The following PRKCB variants were observed in gnomAD, a reference collection of about 807,000 sequenced individuals.
PRKCB encodes the protein protein kinase C beta type.
In PRKCB, 13 loss-of-function variants were observed where a neutral mutation model predicts 81.5. The ratio of observed to expected loss-of-function variants is 0.16; its 90% confidence interval spans 0.10 to 0.25. The LOEUF (loss-of-function observed/expected upper bound fraction) is 0.25. Ranked by LOEUF, PRKCB falls within the 10% of genes least tolerant of loss-of-function variation. The pLI is 1.00. For missense variants in PRKCB, 509 were observed against 875.7 expected, an observed-to-expected ratio of 0.58 and a Z score of 5.29; for synonymous variants, 335 against 321.4, an observed-to-expected ratio of 1.04 and a Z score of -0.45.
At chr16:24,171,309 C>T (rs955611077) in intron 10 of PRKCB, among the ~76,000 whole-genome samples, 2 of 152,178 alleles carry the variant, frequency 1.3e-5, no homozygotes, top group Non-Finnish European at 2.9e-5. Flanking sequence ...GGCCTCAGTT[C>T]TTTGCCAAAT....
rs1035695630 is a variant in PRKCB at position 23,973,646 on chromosome 16, G to C, written c.206-14862G>C. Among the ~76,000 whole-genome samples the C allele has an allele frequency of 2.2e-4, 34 of 152,088 alleles. 1 individual carries two copies. Among genetic ancestry groups the C allele is most frequent in the Admixed American group, 2.0e-4 (3 of 15,264 alleles). Reference sequence around the variant, plus strand: ...TGTTAAACCTAGATTGGCACGTCAGGACAGAAGTGATATTTAATCCCCAAG... The same window carrying C: ...TGTTAAACCTAGATTGGCACGTCAGCACAGAAGTGATATTTAATCCCCAAG... On this transcript the variant is annotated intron_variant, in intron 2 of 16. Transcript: ENST00000643927.
In PRKCB at chr16:24,172,335, C is replaced by T. The variant is rs369762663; in HGVS notation, c.1305C>T (p.Val435=). The T allele has an allele frequency of 3.1e-5, 50 of 1,613,824 alleles. No individual in the cohort carries two copies. Among genetic ancestry groups the T allele is most frequent in the African/African-American group, 6.7e-5 (5 of 74,906 alleles). ...GGDLMYHIQQ[V]GRFKEPHAVF... is the part of the protein sequence containing the mutation. ...ACCTCATGTATCACATCCAGCAAGTCGGCCGGTTCAAGGAGCCCCATGCTG... is the reference window on the plus strand; with the variant it reads ...ACCTCATGTATCACATCCAGCAAGTTGGCCGGTTCAAGGAGCCCCATGCTG... Residue 435 remains valine, a synonymous_variant, in exon 11 of 17, where the codon GTC becomes GTT. Coordinates refer to ENST00000643927, the MANE Select transcript of PRKCB (RefSeq NM_002738.7).
chr16:24,164,758 C>T (rs1364941667), intron 10 of PRKCB, among the ~76,000 whole-genome samples: 1 of 152,162 alleles, frequency 6.6e-6, no homozygotes, highest in Non-Finnish European at 1.5e-5. Flanking sequence ...GAGAGCCAAT[C>T]TGGACTTCAA....
chr16:24,049,386 AC>A (rs1353531975), intron 5 of PRKCB, among the ~76,000 whole-genome samples: 39 of 138,160 alleles, frequency 2.8e-4, no homozygotes, highest in Admixed American at 4.4e-4. Flanking sequence ...CGGGACCTGC[AC>A]CCTTAACCAC....
At chr16:23,967,512 G>C (rs1246177261) in intron 2 of PRKCB, among the ~76,000 whole-genome samples, 1 of 152,212 alleles carries the variant, frequency 6.6e-6, no homozygotes, top group Non-Finnish European at 1.5e-5. Context: ...TTGAGAATGG[G>C]ATTGAGAAAA....
At chr16:24,131,109 G>A (rs1302112453) in intron 9 of PRKCB, among the ~76,000 whole-genome samples, 2 of 152,156 alleles carry the variant, frequency 1.3e-5, no homozygotes, top group African/African-American at 2.4e-5. Flanking sequence ...CACGAGCCAG[G>A]AATAAGTCAA....
chr16:24,135,443 G>T (rs962127290), intron 9 of PRKCB, among the ~76,000 whole-genome samples: 4 of 151,650 alleles, frequency 2.6e-5, no homozygotes, highest in Middle Eastern at 3.2e-3. Flanking sequence ...CTCCCGAGTG[G>T]CTGGGATTAC....
At chr16:23,946,739 G>A (rs1480376560) in intron 2 of PRKCB, among the ~76,000 whole-genome samples, 5 of 152,294 alleles carry the variant, frequency 3.3e-5, no homozygotes, top group Middle Eastern at 6.8e-3. Context: ...TGCAGGTTGT[G>A]ATCCAGTAGG....
At chr16:23,925,543 C>T (rs889226599) in intron 2 of PRKCB, among the ~76,000 whole-genome samples, 7 of 152,104 alleles carry the variant, frequency 4.6e-5, no homozygotes, top group African/African-American at 1.7e-4. Context: ...ATTGTCTTGT[C>T]AGCCTTGAAG....
At position 23,918,382 on chromosome 16, in the gene PRKCB, T is replaced by TTA. The variant is rs1419128166; in HGVS notation, c.206-70126_206-70125insTA. ...AGACTTGTTCTTTGTGTTACCTTTT[T>TTA]ATTATTATTATTATTATTATTTTTT... On this transcript the variant is annotated intron_variant, in intron 2 of 16. Coordinates refer to ENST00000643927, the MANE Select transcript of PRKCB (RefSeq NM_002738.7). Among the ~76,000 whole-genome samples, 554 of 102,132 alleles carry TTA rather than the reference T, an allele frequency of 5.4e-3. 1 individual carries two copies. Among genetic ancestry groups the TTA allele is most frequent in the Non-Finnish European group, 0.01 (449 of 44,772 alleles). The allele number at this position is 102,132 out of a possible 152,430, so 67.0% of individuals were successfully genotyped here. A position where few individuals can be genotyped will look rare whatever the true frequency, so the allele number is the denominator to read the frequency against.
rs546895575 is a variant in PRKCB at position 23,984,639 on chromosome 16, T to C, written c.206-3869T>C. On this transcript the variant is annotated intron_variant, in intron 2 of 16. Coordinates refer to ENST00000643927, the MANE Select transcript of PRKCB (RefSeq NM_002738.7). ...AAAATAACGAGAGACTACCTAACAA[T>C]GCAATATGAAGAAAGAAACAAAGAA... 2.4e-4 allele frequency among the ~76,000 whole-genome samples: 36 copies of C among 151,798 alleles called. 1 individual carries two copies. The highest frequency in any genetic ancestry group is 4.0e-4 in the Non-Finnish European group (27 of 67,972).
intron 9 of PRKCB, among the ~76,000 whole-genome samples, chr16:24,149,042 T>C (rs1213662246): frequency 1.3e-5 from 2 of 152,228 alleles, no homozygotes; most frequent in Non-Finnish European, 2.9e-5. Context: ...CTTGAGGTTT[T>C]TCCTGCACTG....
At chr16:23,950,451 AT>A (rs758664124) in intron 2 of PRKCB, among the ~76,000 whole-genome samples, 23 of 152,312 alleles carry the variant, frequency 1.5e-4, no homozygotes, top group Non-Finnish European at 2.5e-4. Context: ...GCTAAGCAGT[AT>A]GGGTAAGAGC....
intron 2 of PRKCB, among the ~76,000 whole-genome samples, chr16:23,875,503 A>ATATATATATAT (rs1567298294): frequency 3.1e-4 from 9 of 28,930 alleles, no homozygotes; most frequent in African/African-American, 2.2e-3. Flanking sequence ...ATATATATAT[A>ATATATATATAT]TATGATGTAT....
intron 2 of PRKCB, among the ~76,000 whole-genome samples, chr16:23,965,598 G>A (rs751366706): frequency 1.3e-5 from 2 of 152,186 alleles, no homozygotes; most frequent in South Asian, 4.1e-4. Flanking sequence ...TAGATCGGCC[G>A]CATTGTAGAG....
rs1321164467 is a variant in PRKCB at position 24,113,063 on chromosome 16, A to T, written c.912A>T (p.Lys304Asn). ...AGGCCAATGAAGAACTGCGGCAGAA[A>T]TTTGAGGTGAGGTTTCTTTTCTTTT... Reference protein sequence around the residue: ...GSEANEELRQKFERAKISQGT... With the variant: ...GSEANEELRQNFERAKISQGT... Residue 304 changes from lysine (K) to asparagine (N), a missense_variant, in exon 8 of 17, where the codon AAA becomes AAT. Physicochemically the swap from Lys to Asn is moderately conservative, Grantham distance 94. Coordinates refer to ENST00000643927, the MANE Select transcript of PRKCB (RefSeq NM_002738.7). The T allele has an allele frequency of 6.2e-7, 1 of 1,609,918 alleles. No homozygotes were observed. The highest frequency in any genetic ancestry group is 1.7e-5 in the Admixed American group (1 of 59,554).
chr16:24,086,011 G>T (rs895992912), intron 5 of PRKCB, among the ~76,000 whole-genome samples: 1 of 152,182 alleles, frequency 6.6e-6, no homozygotes, highest in African/African-American at 2.4e-5. Flanking sequence ...GATGCTGGAT[G>T]TGGGCTGCCC....
chr16:24,000,238 C>T (rs1365455615), intron 3 of PRKCB, among the ~76,000 whole-genome samples: 1 of 152,320 alleles, frequency 6.6e-6, no homozygotes, highest in African/African-American at 2.4e-5. Flanking sequence ...GAGACCATCA[C>T]ACTGGACTTT....
intron 5 of PRKCB, among the ~76,000 whole-genome samples, chr16:24,048,712 C>T (rs1485946338): frequency 6.6e-6 from 1 of 151,928 alleles, no homozygotes; most frequent in Non-Finnish European, 1.5e-5. Flanking sequence ...GGCTGCCTGA[C>T]CTCAAATGAT....
Sources: gnomAD v4.1 joint callset for allele counts (sites outside exome capture counted in the v4.1 genomes callset) on GRCh38, gnomAD v4.1.1 for gene constraint, MANE v1.5 for transcripts, NCBI Gene and HGNC (gene_info 2026-07-23, HGNC 2026-07-21) for gene names.